Variants in RARB observed in about 807,000 individuals in gnomAD.
The protein encoded by RARB is HBV-activated protein.
In RARB, 17 loss-of-function variants were observed where a neutral mutation model predicts 51.9. The observed-to-expected ratio is 0.33, with a 90% CI of 0.22 to 0.49. RARB has a LOEUF of 0.49. Ranked by LOEUF, RARB falls within the 20% of genes least tolerant of loss-of-function variation. The pLI is 0.99. For missense variants in RARB, 369 were observed against 550.8 expected (o/e 0.67, Z 3.30); for synonymous variants, 215 against 195.4 (o/e 1.10, Z -0.84).
At chr3:25,060,989 A>G (rs1295646164) in intron 3 of RARB, among the ~76,000 whole-genome samples, 1 of 151,884 alleles carries the variant, frequency 6.6e-6, no homozygotes, top group Non-Finnish European at 1.5e-5. Flanking sequence ...TATCTCAACA[A>G]CTCAAAGACT....
chr3:25,375,701 C>T (rs1575353518), intron 5 of RARB, among the ~76,000 whole-genome samples: 1 of 152,298 alleles, frequency 6.6e-6, no homozygotes, highest in East Asian at 1.9e-4. Flanking sequence ...TTGAGAGAAT[C>T]TCTACAGTCT....
chr3:25,223,004 A>C (rs990012614), intron 5 of RARB, among the ~76,000 whole-genome samples: 1 of 151,996 alleles, frequency 6.6e-6, no homozygotes, highest in African/African-American at 2.4e-5. Flanking sequence ...AGATAGAAAT[A>C]ATATATTATT....
intron 3 of RARB, among the ~76,000 whole-genome samples, chr3:25,503,453 C>T (rs1350169540): frequency 6.6e-6 from 1 of 152,108 alleles, no homozygotes; most frequent in African/African-American, 2.4e-5. Flanking sequence ...AGACCCATTT[C>T]CTGCTTACAT....
At chr3:25,255,139 G>A (rs1702830031) in intron 5 of RARB, among the ~76,000 whole-genome samples, 1 of 152,166 alleles carries the variant, frequency 6.6e-6, no homozygotes, top group South Asian at 2.1e-4. Flanking sequence ...CTAGGCATGA[G>A]CATCAGATGA....
At chr3:25,344,652 G>C (rs2125453167) in intron 5 of RARB, among the ~76,000 whole-genome samples, 1 of 152,332 alleles carries the variant, frequency 6.6e-6, no homozygotes, top group African/African-American at 2.4e-5. Context: ...CATTGACACA[G>C]CTTGGCAAGC....
At chr3:25,163,932 A>C (rs567494514) in intron 4 of RARB, among the ~76,000 whole-genome samples, 2 of 152,308 alleles carry the variant, frequency 1.3e-5, no homozygotes, top group East Asian at 3.9e-4. Flanking sequence ...TCTTGTTCTC[A>C]AAGGAACTAA....
intron 2 of RARB, among the ~76,000 whole-genome samples, chr3:25,463,626 G>A (rs1307518579): frequency 6.6e-6 from 1 of 151,590 alleles, no homozygotes; most frequent in East Asian, 1.9e-4. Context: ...TCGCGCCACT[G>A]GACTCCAGCC....
intron 3 of RARB, among the ~76,000 whole-genome samples, chr3:25,568,869 T>G (rs1700598596): frequency 6.6e-6 from 1 of 152,214 alleles, no homozygotes. Context: ...TTTCAGTTTC[T>G]TTCCTCGCGA....
At chr3:25,293,519 A>AT (rs2125423066) in intron 5 of RARB, among the ~76,000 whole-genome samples, 1 of 148,048 alleles carries the variant, frequency 6.8e-6, no homozygotes, top group Admixed American at 7.0e-5. Flanking sequence ...ACAACACAGC[A>AT]TTTTCCAATT....
intron 5 of RARB, among the ~76,000 whole-genome samples, chr3:25,422,448 G>A (rs542756978): frequency 1.8e-4 from 28 of 152,288 alleles, no homozygotes; most frequent in Admixed American, 1.8e-3. Context: ...TTATTCTCAG[G>A]AGTCACCATT....
At chr3:24,867,996 T>C (rs1223980955) in intron 2 of RARB, among the ~76,000 whole-genome samples, 1 of 152,162 alleles carries the variant, frequency 6.6e-6, no homozygotes, top group Non-Finnish European at 1.5e-5. Context: ...GGGTTGGAGA[T>C]GATTCATCCT....
chr3:25,372,461 A>C (rs1399304817), intron 5 of RARB, among the ~76,000 whole-genome samples: 2 of 152,238 alleles, frequency 1.3e-5, no homozygotes, highest in Non-Finnish European at 2.9e-5. Context: ...TAATAGTGAA[A>C]GCCAAAAGAC....
intron 2 of RARB, among the ~76,000 whole-genome samples, chr3:25,049,933 TA>T (rs1200075598): frequency 6.6e-6 from 1 of 152,192 alleles, no homozygotes; most frequent in Non-Finnish European, 1.5e-5. Context: ...GAAAGACACG[TA>T]GACGGGTAGT....
At chr3:25,448,880 AC>A (rs1709064981) in intron 1 of RARB, among the ~76,000 whole-genome samples, 1 of 151,238 alleles carries the variant, frequency 6.6e-6, no homozygotes, top group Middle Eastern at 3.2e-3. Context: ...TACTCCTCTC[AC>A]CCCCCTCCAC....
At chr3:25,387,148 T>C (rs1706818690) in intron 5 of RARB, among the ~76,000 whole-genome samples, 1 of 152,148 alleles carries the variant, frequency 6.6e-6, no homozygotes, top group Non-Finnish European at 1.5e-5. Context: ...GACCTTCAGA[T>C]GAAGAAATGG....
At chr3:25,076,306 A>AT (rs1416932163) in intron 3 of RARB, among the ~76,000 whole-genome samples, 4 of 152,142 alleles carry the variant, frequency 2.6e-5, no homozygotes, top group South Asian at 2.1e-4. Context: ...ATTCCGGCTA[A>AT]TTTTTTGTAA....
Position 24,969,296 on chromosome 3 carries a change from C to T in RARB, c.-379-90829C>T, listed in dbSNP as rs566217813. The stretch of plus-strand genomic sequence containing the variant: ...TTATGAAAACCAGCAAAAAGCTAAG[C>T]CTAGTGCCCAGCATAAAGAAAGCAC... On this transcript the variant is annotated intron_variant, in intron 2 of 11. Coordinates refer to the RARB transcript ENST00000383772. 2.6e-5 allele frequency among the ~76,000 whole-genome samples: 4 copies of T among 152,106 alleles called. No individual in the cohort carries two copies. In the East Asian group the frequency reaches 7.7e-4, roughly 29 times the overall value.
At chr3:25,001,882 A>G (rs549404909) in intron 2 of RARB, among the ~76,000 whole-genome samples, 6 of 152,152 alleles carry the variant, frequency 3.9e-5, no homozygotes, top group Admixed American at 1.3e-4. Flanking sequence ...AGCTCAAGCA[A>G]TTCTCCCATT....
At chr3:25,200,513 T>C (rs1252039320) in intron 5 of RARB, among the ~76,000 whole-genome samples, 1 of 152,170 alleles carries the variant, frequency 6.6e-6, no homozygotes, top group Non-Finnish European at 1.5e-5. Context: ...ATGAAGTCCT[T>C]GCCCATGTCT....
Sources: gnomAD v4.1 joint callset for allele counts (sites outside exome capture counted in the v4.1 genomes callset) on GRCh38, gnomAD v4.1.1 for gene constraint, MANE v1.5 for transcripts, NCBI Gene and HGNC (gene_info 2026-07-23, HGNC 2026-07-21) for gene names.